Variants in POLG observed in about 807,000 individuals in gnomAD.
POLG encodes DNA polymerase subunit gamma-1.
POLG carries 110 observed loss-of-function variants against 155.4 expected under a neutral mutation model. The observed-to-expected ratio is 0.71, with a 90% CI of 0.61 to 0.83. The LOEUF (loss-of-function observed/expected upper bound fraction) is 0.83. Among genes scored for constraint, POLG ranks in the 40% least tolerant of loss-of-function variants. The pLI is 0.00. For missense variants in POLG, 1,685 were observed against 1,627.5 expected, an observed-to-expected ratio of 1.04 and a Z score of -0.61; for synonymous variants, 701 against 631.5, an observed-to-expected ratio of 1.11 and a Z score of -1.65.
intron 2 of POLG, among the ~76,000 whole-genome samples, chr15:89,330,821 T>TCA (rs2055584674): frequency 6.8e-6 from 1 of 147,280 alleles, no homozygotes; most frequent in South Asian, 2.2e-4. Context: ...AAAGAGCAAA[T>TCA]CACACACCTT....
In POLG at chr15:89,333,887, G is replaced by T. The variant is rs2055634598; in HGVS notation, c.-133C>A. ...GCTCTCCTGTCAGTGAAATGGGTTTGACCATGCCTGCCTTCCACCCCAAAT... is the reference window on the plus strand; with the variant it reads ...GCTCTCCTGTCAGTGAAATGGGTTTTACCATGCCTGCCTTCCACCCCAAAT... On this transcript the variant is annotated 5_prime_UTR_variant, in exon 2 of 23. Transcript: ENST00000268124. 3 of 1,063,010 alleles carry T rather than the reference G, an allele frequency of 2.8e-6. No homozygotes were observed. Among genetic ancestry groups the T allele is most frequent in the East Asian group, 2.6e-5 (1 of 38,566 alleles). The allele number at this position is 1,063,010 out of a possible 1,614,324, so 65.8% of individuals were successfully genotyped here.
intron 18 of POLG, among the ~76,000 whole-genome samples, chr15:89,319,916 G>A (rs779578107): frequency 1.8e-4 from 27 of 152,052 alleles, no homozygotes; most frequent in Non-Finnish European, 2.9e-4. Context: ...CACGTCACTC[G>A]CATAAATGGC....
At chr15:89,327,733 A>G (rs1408656111) in intron 6 of POLG, among the ~76,000 whole-genome samples, 1 of 152,188 alleles carries the variant, frequency 6.6e-6, no homozygotes, top group Non-Finnish European at 1.5e-5. Flanking sequence ...TGACATTTAA[A>G]CAACACATGT....
At chr15:89,318,463 A>C (rs957553346) in intron 21 of POLG, 78 bp downstream of exon 21, 6 of 1,163,786 alleles carry the variant, frequency 5.2e-6, no homozygotes, top group Non-Finnish European at 3.9e-6. Flanking sequence ...AAAACTGACC[A>C]GTCTGGCCCA....
rs1157498355 is a variant in POLG, at chr15:89,328,928, G to A, written c.1023+15C>T. 1.9e-6 allele frequency: 3 copies of A among 1,613,984 alleles called. No individual in the cohort carries two copies. Among genetic ancestry groups the A allele is most frequent in the Admixed American group, 1.7e-5 (1 of 60,012 alleles). On this transcript the variant is annotated intron_variant, in intron 4 of 22. Coordinates refer to ENST00000268124, the MANE Select transcript of POLG (RefSeq NM_002693.3). ...CCAAGCACTATGCTCCTGCCCACCG[G>A]CAGTGTGCTCTCACCGCTGGGCCTC...
At chr15:89,329,912 A>G (rs2055572239) in intron 3 of POLG, among the ~76,000 whole-genome samples, 169 bp downstream of exon 3, 1 of 152,206 alleles carries the variant, frequency 6.6e-6, no homozygotes, top group South Asian at 2.1e-4. Flanking sequence ...GGGACATACA[A>G]CAGCTAGGCA....
Position 89,333,412 on chromosome 15 carries a change from G to GC in POLG, c.342dup (p.Gln115AlafsTer129). 6.2e-7 allele frequency: 1 copy of GC among 1,605,262 alleles called. No individual in the cohort carries two copies. The highest frequency in any genetic ancestry group is 8.5e-7 in the Non-Finnish European group (1 of 1,178,686). ...ACGTCGGGCAAGGGCACGGCTGGCT[G>GC]CCCCCAGAGCCCGTGCTTCTGCAGG... On this transcript the variant is annotated frameshift_variant, in exon 2 of 23. Coordinates refer to ENST00000268124, the MANE Select transcript of POLG (RefSeq NM_002693.3). LOFTEE classifies it high-confidence loss of function.
In POLG at chr15:89,319,231, C is replaced by T. The variant is rs201014720; in HGVS notation, c.3101G>A (p.Arg1034Lys). 3 of 1,614,184 alleles carry T rather than the reference C, an allele frequency of 1.9e-6. No homozygotes were observed. The Admixed American group carries it at 5.0e-5, about 27-fold the overall frequency. ...DLRKVQRETA[R>K]KSQWKKWEVV... The stretch of plus-strand genomic sequence containing the variant: ...TTAACACAAAGAAGGTTCTTACTTC[C>T]TTGCAGTTTCTCTCTGGACCTTGCG... Residue 1034 changes from arginine to lysine, a missense_variant, in exon 19 of 23, where the codon AGG becomes AAG. Transcript: ENST00000268124.
At position 89,323,448 on chromosome 15, in the gene POLG, CGTT is replaced by C. The variant is rs1310041785; in HGVS notation, c.2218_2220del (p.Asn740del). 1.2e-6 allele frequency: 2 copies of C among 1,613,928 alleles called. No homozygotes were observed. Among genetic ancestry groups the C allele is most frequent in the East Asian group, 2.2e-5 (1 of 44,882 alleles). On this transcript the variant is annotated inframe_deletion, in exon 13 of 23. Transcript: ENST00000268124. ...AACCAGCAGCCAGGGATGTCCACGT[CGTT>C]GTAAGGTCCATTGCCATGGTGATAG...
Position 89,333,341 on chromosome 15 carries a change from G to C in POLG, c.414C>G (p.His138Gln), listed in dbSNP as rs916364510. Residue 138 changes from histidine to glutamine, a missense_variant, in exon 2 of 23, where the codon CAC (histidine) becomes CAG (glutamine). This residue lies in a region of POLG where 1,210 missense variants were observed against 1,167.1 expected (regional missense o/e 1.04). Coordinates refer to ENST00000268124, the MANE Select transcript of POLG (RefSeq NM_002693.3). ...PPLYGDNLDQ[H>Q]FRLLAQKQSL... ...TCTGCTTCTGGGCCAGGAGGCGGAA[G>C]TGCTGGTCCAGGTTGTCCCCGTAGA... 2.6e-6 allele frequency: 4 copies of C among 1,564,978 alleles called. No individual in the cohort carries two copies. Among genetic ancestry groups the C allele is most frequent in the Non-Finnish European group, 3.5e-6 (4 of 1,156,436 alleles).
At chr15:89,325,315 T>TGTGTGTG in intron 10 of POLG, 135 bp downstream of exon 10, 43 of 690,322 alleles carry the variant, frequency 6.2e-5, no homozygotes, top group South Asian at 1.8e-4. Context: ...TGTGTGTGTG[T>TGTGTGTG]TAATTTTTTT....
intron 5 of POLG, 75 bp from the exon 6 acceptor site, chr15:89,328,610 G>T: frequency 6.2e-7 from 1 of 1,604,634 alleles, no homozygotes; most frequent in Non-Finnish European, 8.5e-7. Context: ...GGTCAGGCCT[G>T]GCAGCTGCAT....
In POLG at chr15:89,330,172, C is replaced by T. The variant is rs1356759444; in HGVS notation, c.764G>A (p.Ser255Asn). 6.2e-7 allele frequency: 1 copy of T among 1,613,978 alleles called. No individual in the cohort carries two copies. The highest frequency in any genetic ancestry group is 1.1e-5 in the South Asian group (1 of 91,088). ...CTCCTGCCAGTCTCTCTGGGTGGGGCTGCTGGCACCAGTAGGGACCTCCAG... is the reference window on the plus strand; with the variant it reads ...CTCCTGCCAGTCTCTCTGGGTGGGGTTGCTGGCACCAGTAGGGACCTCCAG... ...IPLEVPTGAS[S>N]PTQRDWQEQL... The change falls in exon 3 of 23, where the codon AGC becomes AAC. Residue 255 changes from serine to asparagine, a missense_variant. Ser to Asn is a conservative substitution (Grantham distance 46). This residue lies in a region of POLG where 1,210 missense variants were observed against 1,167.1 expected (regional missense o/e 1.04). Coordinates refer to ENST00000268124, the MANE Select transcript of POLG (RefSeq NM_002693.3).
At chr15:89,318,846 C>G in intron 20 of POLG, 85 bp downstream of exon 20, 1 of 1,576,566 alleles carries the variant, frequency 6.3e-7, no homozygotes. Flanking sequence ...CTGGCCCTAC[C>G]TACAAACATT....
Position 89,318,947 on chromosome 15 carries a change from G to A in POLG, c.3257C>T (p.Ser1086Leu), listed in dbSNP as rs373316463. 32 of 1,614,088 alleles carry A rather than the reference G, an allele frequency of 2.0e-5. No individual in the cohort carries two copies. Among genetic ancestry groups the A allele is most frequent in the South Asian group, 1.3e-4 (12 of 91,084 alleles). Residue 1086 changes from serine to leucine, a missense_variant, in exon 20 of 23, where the codon TCG (serine) becomes TTG (leucine). Coordinates refer to ENST00000268124, the MANE Select transcript of POLG (RefSeq NM_002693.3). ...GCCISRALEP[S>L]AVQEEFMTSR... ...GCAAGATACCTCTTCCTGGACAGCCGAGGGCTCCAGGGCTCGGCTGATGCA... is the reference window on the plus strand; with the variant it reads ...GCAAGATACCTCTTCCTGGACAGCCAAGGGCTCCAGGGCTCGGCTGATGCA...
intron 2 of POLG, 34 bp downstream of exon 2, chr15:89,333,062 G>A: frequency 6.7e-7 from 1 of 1,503,126 alleles, no homozygotes; most frequent in Non-Finnish European, 8.9e-7. Flanking sequence ...GGGCCCCCAT[G>A]CCTGCTTATG....
Position 89,324,017 on chromosome 15 carries a change from T to C in POLG, c.2070+90A>G. On this transcript the variant is annotated intron_variant, in intron 11 of 22. Transcript: ENST00000268124. ...AGGCCAGTCTGGGGTGAGCCACCAG[T>C]GCCAGCCTCCCACCCAAAGGCTGCC... is the stretch of plus-strand genomic sequence containing the variant. The C allele has an allele frequency of 2.5e-6, 4 of 1,583,744 alleles. 1 individual carries two copies. The South Asian group carries it at 3.3e-5, about 13-fold the overall frequency.
rs1261825887 is a variant in POLG at position 89,333,529 on chromosome 15, T to C, written c.226A>G (p.Ile76Val). 6 of 1,612,896 alleles carry C rather than the reference T, an allele frequency of 3.7e-6. No homozygotes were observed. Among genetic ancestry groups the C allele is most frequent in the East Asian group, 2.2e-5 (1 of 44,878 alleles). The change falls in exon 2 of 23, where the codon ATC (isoleucine) becomes GTC (valine). Residue 76 changes from isoleucine (I) to valine (V), a missense_variant. By Grantham distance (29) the Ile-to-Val change is conservative. This residue lies in a region of POLG where 1,210 missense variants were observed against 1,167.1 expected (regional missense o/e 1.04). Coordinates refer to ENST00000268124, the MANE Select transcript of POLG (RefSeq NM_002693.3). ...TGCAGCCCTCTCGAGAGCATCTGGA[T>C]GTCCAATGGGTTGTGCCGCAGCTGC... ...GGQLRHNPLD[I>V]QMLSRGLHEQ...
intron 7 of POLG, 40 bp downstream of exon 7, chr15:89,327,127 A>G (rs2055532995): frequency 1.2e-6 from 2 of 1,614,014 alleles, no homozygotes; most frequent in Non-Finnish European, 1.7e-6. Flanking sequence ...CCCACCTGCC[A>G]GTCCCCTGCC....
Sources: gnomAD v4.1 joint callset for allele counts (sites outside exome capture counted in the v4.1 genomes callset) on GRCh38, gnomAD v4.1.1 for gene constraint, gnomAD v4.1.1 regional missense constraint, MANE v1.5 for transcripts, NCBI Gene and HGNC (gene_info 2026-07-23, HGNC 2026-07-21) for gene names.